Variants in GPC6 observed in about 807,000 individuals in gnomAD.
GPC6 encodes glypican 6.
GPC6 carries 14 observed loss-of-function variants against 55.2 expected under a neutral mutation model. The observed-to-expected ratio is 0.25, with a 90% CI of 0.17 to 0.40. GPC6 has a LOEUF of 0.40. Ranked by LOEUF, GPC6 falls within the 10% of genes least tolerant of loss-of-function variation. The pLI is 1.00. For synonymous variants in GPC6, 278 were observed against 259.6 expected, an observed-to-expected ratio of 1.07 and a Z score of -0.68; for missense variants, 641 against 708.5, an observed-to-expected ratio of 0.90 and a Z score of 1.08.
intron 1 of GPC6, among the ~76,000 whole-genome samples, chr13:93,411,614 CA>C (rs1291950522): frequency 6.6e-6 from 1 of 152,038 alleles, no homozygotes; most frequent in East Asian, 1.9e-4. Context: ...AGTGGAATTT[CA>C]AGAAGAAAAA....
intron 1 of GPC6, among the ~76,000 whole-genome samples, chr13:93,261,867 A>G (rs1877159092): frequency 6.6e-6 from 1 of 152,072 alleles, no homozygotes; most frequent in Non-Finnish European, 1.5e-5. Flanking sequence ...AGATAAATAA[A>G]GATGAGGTAA....
intron 1 of GPC6, among the ~76,000 whole-genome samples, chr13:93,322,331 T>C (rs1214985313): frequency 2.0e-5 from 3 of 152,078 alleles, no homozygotes. Flanking sequence ...TGTGTGTATA[T>C]GTGTCAATGT....
chr13:93,704,745 A>G (rs1327656415), intron 2 of GPC6, among the ~76,000 whole-genome samples: 1 of 152,054 alleles, frequency 6.6e-6, no homozygotes, highest in Non-Finnish European at 1.5e-5. Context: ...GGTTTTTGCA[A>G]TGAGCCGACT....
chr13:94,150,741 A>G (rs531331073), intron 4 of GPC6, among the ~76,000 whole-genome samples: 1 of 150,342 alleles, frequency 6.7e-6, no homozygotes, highest in East Asian at 2.0e-4. Flanking sequence ...ATTTTTCCCT[A>G]GAAGAAGAGA....
At chr13:93,884,082 T>C (rs1299433064) in intron 3 of GPC6, among the ~76,000 whole-genome samples, 3 of 152,096 alleles carry the variant, frequency 2.0e-5, no homozygotes, top group African/African-American at 7.2e-5. Context: ...TAAATGTTTT[T>C]CATGTAAGAA....
At chr13:93,853,354 A>C (rs1016137730) in intron 3 of GPC6, among the ~76,000 whole-genome samples, 1 of 151,700 alleles carries the variant, frequency 6.6e-6, no homozygotes, top group Non-Finnish European at 1.5e-5. Flanking sequence ...CAGAAAAATC[A>C]GTTTATTATC....
chr13:94,385,204 C>T (rs1216268002), intron 7 of GPC6, among the ~76,000 whole-genome samples: 1 of 151,322 alleles, frequency 6.6e-6, no homozygotes, highest in Non-Finnish European at 1.5e-5. Context: ...CATACCACTG[C>T]ACTCCAGCCT....
At chr13:94,377,682 C>G (rs1047108562) in intron 6 of GPC6, among the ~76,000 whole-genome samples, 1 of 151,978 alleles carries the variant, frequency 6.6e-6, no homozygotes, top group Non-Finnish European at 1.5e-5. Flanking sequence ...TTGACCCAGC[C>G]ATCCCATTAC....
intron 2 of GPC6, among the ~76,000 whole-genome samples, chr13:93,710,677 G>T (rs1229720000): frequency 2.0e-5 from 3 of 147,420 alleles, no homozygotes; most frequent in Non-Finnish European, 4.5e-5. Context: ...AAATTAATTT[G>T]TCATTTAAAG....
intron 4 of GPC6, among the ~76,000 whole-genome samples, chr13:94,095,145 T>C (rs1280188674): frequency 6.6e-6 from 1 of 152,086 alleles, no homozygotes; most frequent in African/African-American, 2.4e-5. Flanking sequence ...CCCCAAGGTA[T>C]ATATAGGTAA....
chr13:93,407,133 G>A (rs996381519), intron 1 of GPC6, among the ~76,000 whole-genome samples: 2 of 152,068 alleles, frequency 1.3e-5, no homozygotes, highest in Admixed American at 1.3e-4. Flanking sequence ...TGGCTGTTAT[G>A]CAGGAGAATG....
chr13:93,219,088 CTA>C, the GPC6 span, among the ~76,000 whole-genome samples: 2,483 of 138,644 alleles, frequency 0.018, 57 homozygotes, highest in East Asian at 0.098. Flanking sequence ...TCTTTCTTTC[CTA>C]TTTTTTTTTT....
At chr13:93,802,217 T>C (rs1886396738) in intron 2 of GPC6, among the ~76,000 whole-genome samples, 1 of 152,156 alleles carries the variant, frequency 6.6e-6, no homozygotes, top group African/African-American at 2.4e-5. Context: ...TGTCATCTTG[T>C]TCCAAAATAT....
intron 2 of GPC6, among the ~76,000 whole-genome samples, chr13:93,606,400 G>A (rs1383369231): frequency 2.6e-5 from 4 of 152,150 alleles, no homozygotes; most frequent in Non-Finnish European, 4.4e-5. Flanking sequence ...AGGTAAGGAG[G>A]GCAATCATAT....
chr13:94,041,978 C>A (rs1487422916), intron 4 of GPC6, among the ~76,000 whole-genome samples: 1 of 151,854 alleles, frequency 6.6e-6, no homozygotes, highest in African/African-American at 2.4e-5. Context: ...CCACCCAAAT[C>A]TCATGTTCAA....
chr13:94,243,308 T>C (rs1436076962), intron 4 of GPC6, among the ~76,000 whole-genome samples: 2 of 152,060 alleles, frequency 1.3e-5, no homozygotes, highest in African/African-American at 4.8e-5. Flanking sequence ...ATTATGTACA[T>C]TCTCAGGGAA....
the GPC6 span, among the ~76,000 whole-genome samples, chr13:93,221,513 A>G: frequency 7.9e-3 from 1,210 of 152,286 alleles, 21 homozygotes; most frequent in African/African-American, 0.028. Context: ...GATCATTAGT[A>G]ACCCAGTTTG....
At chr13:94,241,483 A>G (rs1359783403) in intron 4 of GPC6, among the ~76,000 whole-genome samples, 1 of 152,178 alleles carries the variant, frequency 6.6e-6, no homozygotes, top group African/African-American at 2.4e-5. Context: ...TTTGTAGTGT[A>G]TATATAATCT....
chr13:94,028,159 G>A (rs1882975124), intron 4 of GPC6, among the ~76,000 whole-genome samples: 1 of 152,052 alleles, frequency 6.6e-6, no homozygotes, highest in South Asian at 2.1e-4. Context: ...CAGCTGTTTA[G>A]GAGACCGAGG....
Sources: allele counts gnomAD v4.1 joint callset (sites outside exome capture counted in the v4.1 genomes callset), GRCh38; gene constraint gnomAD v4.1.1; transcripts MANE v1.5; gene names NCBI Gene and HGNC (gene_info 2026-07-23, HGNC 2026-07-21).